The following SAG variants were observed in gnomAD, a reference collection of about 807,000 sequenced individuals.
SAG encodes S-antigen visual arrestin.
SAG carries 45 observed loss-of-function variants against 55.0 expected under a neutral mutation model. The ratio of observed to expected loss-of-function variants is 0.82; its 90% confidence interval spans 0.64 to 1.05. The LOEUF is 1.05. Ranked by LOEUF, SAG falls within the 50% of genes least tolerant of loss-of-function variation. The pLI, the probability that SAG is intolerant of heterozygous loss-of-function variation, is 0.00. For missense variants in SAG, 455 were observed against 512.1 expected, an observed-to-expected ratio of 0.89 and a Z score of 1.08; for synonymous variants, 189 against 197.4, an observed-to-expected ratio of 0.96 and a Z score of 0.36.
intron 11 of SAG, among the ~76,000 whole-genome samples, chr2:233,336,092 C>T (rs1311521530): frequency 1.3e-5 from 2 of 152,130 alleles, no homozygotes; most frequent in Non-Finnish European, 2.9e-5. Context: ...CGTGAAGCTC[C>T]GGGAGAGAGA....
In SAG at chr2:233,319,910, C is replaced by T; in HGVS notation, c.182-720C>T. On this transcript the variant is annotated intron_variant, in intron 4 of 15. Transcript: ENST00000409110. The surrounding 1 kb of genome is among the most constrained non-coding windows in gnomAD (Gnocchi z 4.4). ...ATTCTCAACCAACAGCTACCACGCA[C>T]TTGGCGGGGCCGCCTCTCGTGCTTT... 3 of 985,656 alleles carry T rather than the reference C, an allele frequency of 3.0e-6. No individual in the cohort carries two copies. The highest frequency in any genetic ancestry group is 3.6e-6 in the Non-Finnish European group (3 of 829,946). 61.1% of individuals were successfully genotyped at this position (985,656 alleles called of 1,614,324 possible).
intron 14 of SAG, chr2:233,344,423 A>C (rs1701194098): frequency 6.6e-6 from 1 of 152,184 alleles, no homozygotes; most frequent in Non-Finnish European, 1.5e-5. Context: ...TGCCCGCCTC[A>C]GCCCTCCAAA....
chr2:233,327,709 A>ATTT, intron 7 of SAG: 1 of 144,822 alleles, frequency 6.9e-6, no homozygotes, highest in South Asian at 2.2e-4. Flanking sequence ...CGCCTGGCTA[A>ATTT]TTTTTTTTTT....
In SAG at chr2:233,327,116, A is replaced by G. The variant is rs753909449; in HGVS notation, c.436-5A>G. 8.1e-6 allele frequency: 13 copies of G among 1,613,150 alleles called. No individual in the cohort carries two copies. In the Admixed American group the frequency reaches 1.0e-4, roughly 12 times the overall value. ...CGCTGCCTGTCTGCTCTCTCTCCCCAACAGTCCTGTGGGGTTGACTTTGAG... is the reference window on the plus strand; with the variant it reads ...CGCTGCCTGTCTGCTCTCTCTCCCCGACAGTCCTGTGGGGTTGACTTTGAG... On this transcript the variant is annotated splice_region_variant and splice_polypyrimidine_tract_variant and intron_variant, in intron 6 of 15. Coordinates refer to ENST00000409110, the MANE Select transcript of SAG (RefSeq NM_000541.5).
intron 9 of SAG, 61 bp from the exon 10 acceptor site, chr2:233,331,579 G>T: frequency 9.2e-7 from 1 of 1,084,146 alleles, no homozygotes; most frequent in South Asian, 1.3e-5. Flanking sequence ...GGAGGCCGCA[G>T]GGAAAGTGCA....
rs370144064 is a variant in SAG at position 233,318,801 on chromosome 2, A to G, written c.181+6A>G. The G allele has an allele frequency of 1.7e-5, 28 of 1,613,196 alleles. No individual in the cohort carries two copies. The African/African-American group carries it at 3.3e-4, about 19-fold the overall frequency. On this transcript the variant is annotated splice_donor_region_variant and intron_variant, in intron 4 of 15. Transcript: ENST00000409110. Reference sequence around the variant, plus strand: ...TCTTGTGAAGGGAAAGAAAGGTGAGATGAAGCCCCTTGTCTCAGGCTGGTT... The same window carrying G: ...TCTTGTGAAGGGAAAGAAAGGTGAGGTGAAGCCCCTTGTCTCAGGCTGGTT...
intron 13 of SAG, among the ~76,000 whole-genome samples, chr2:233,341,072 C>T (rs372729416): frequency 1.5e-4 from 23 of 152,158 alleles, no homozygotes; most frequent in African/African-American, 5.3e-4. Context: ...CCTTGGCCTC[C>T]CAAAGTGCTG....
rs751226817 is a variant in SAG at position 233,335,142 on chromosome 2, C to A, written c.944+43C>A. 10 of 1,587,704 alleles carry A rather than the reference C, an allele frequency of 6.3e-6. No individual in the cohort carries two copies. In the South Asian group the frequency reaches 9.0e-5, roughly 14 times the overall value. ...AGGGAATAAGCCCTGGCAGGGCGGGCTGGTGCTGGTCTGCTTCCCTTCACA... is the reference window on the plus strand; with the variant it reads ...AGGGAATAAGCCCTGGCAGGGCGGGATGGTGCTGGTCTGCTTCCCTTCACA... On this transcript the variant is annotated intron_variant, in intron 11 of 15. Coordinates refer to ENST00000409110, the MANE Select transcript of SAG (RefSeq NM_000541.5).
chr2:233,318,856 G>A (rs1166501129), intron 4 of SAG, 61 bp downstream of exon 4: 2 of 1,449,580 alleles, frequency 1.4e-6, no homozygotes, highest in Admixed American at 1.7e-5. Flanking sequence ...TCTCTGGGCG[G>A]CTCTGGGAAG....
chr2:233,323,659 G>T (rs1364689837), intron 6 of SAG, among the ~76,000 whole-genome samples: 1 of 152,116 alleles, frequency 6.6e-6, no homozygotes, highest in South Asian at 2.1e-4. Flanking sequence ...CACCGCGCTC[G>T]GCCCATTAGA....
chr2:233,310,157 C>G (rs1043602743), intron 2 of SAG, among the ~76,000 whole-genome samples: 2 of 152,210 alleles, frequency 1.3e-5, no homozygotes, highest in Non-Finnish European at 2.9e-5. Context: ...GAGGGTCCAC[C>G]GTCCAGCCTC....
chr2:233,320,516 C>T (rs191345503), intron 4 of SAG, 114 bp from the exon 5 acceptor site: 6 of 755,604 alleles, frequency 7.9e-6, no homozygotes, highest in African/African-American at 7.2e-5. Context: ...AATCCCAGCC[C>T]CTATCCCCTC....
At position 233,319,993 on chromosome 2, in the gene SAG, A is replaced by G; in HGVS notation, c.182-637A>G. ...TAGAAGGTGTAGTGAACTTCATACA[A>G]TTCTTCTGGTCTACTGGGCGCACAC... On this transcript the variant is annotated intron_variant, in intron 4 of 15. Coordinates refer to ENST00000409110, the MANE Select transcript of SAG (RefSeq NM_000541.5). The surrounding 1 kb of genome is among the most constrained non-coding windows in gnomAD (Gnocchi z 4.4). 1 of 985,260 alleles carries G rather than the reference A, an allele frequency of 1.0e-6. No homozygotes were observed. Among genetic ancestry groups the G allele is most frequent in the Non-Finnish European group, 1.2e-6 (1 of 829,794 alleles). 61.0% of individuals were successfully genotyped at this position (985,260 alleles called of 1,614,324 possible).
rs369680053 is a variant in SAG, at chr2:233,340,155, C to T, written c.1023-300C>T. Among the ~76,000 whole-genome samples, 8 of 152,098 alleles carry T rather than the reference C, an allele frequency of 5.3e-5. No individual in the cohort carries two copies. In the East Asian group the frequency reaches 1.4e-3, roughly 26 times the overall value. ...TATTTTTAGTAGAGATGGGGTTTTACCACGTTGGTCAGGCTGGTCTGGAAC... is the reference window on the plus strand; with the variant it reads ...TATTTTTAGTAGAGATGGGGTTTTATCACGTTGGTCAGGCTGGTCTGGAAC... On this transcript the variant is annotated intron_variant, in intron 12 of 15. Coordinates refer to ENST00000409110, the MANE Select transcript of SAG (RefSeq NM_000541.5). This position sits in a 1 kb window ranked among gnomAD's most constrained non-coding sequence, Gnocchi z 4.2.
At chr2:233,341,566 C>T (rs1329665958) in intron 13 of SAG, among the ~76,000 whole-genome samples, 5 of 152,196 alleles carry the variant, frequency 3.3e-5, no homozygotes, top group African/African-American at 1.2e-4. Flanking sequence ...ACTAATAACA[C>T]TACGCTAAGT....
chr2:233,309,321 C>G, intron 2 of SAG, 57 bp downstream of exon 2: 2 of 1,468,710 alleles, frequency 1.4e-6, no homozygotes, highest in South Asian at 2.4e-5. Context: ...AAAAATGGAG[C>G]TTTTTCAAGT....
chr2:233,323,708 G>A (rs556150465), intron 6 of SAG, among the ~76,000 whole-genome samples: 17 of 152,094 alleles, frequency 1.1e-4, no homozygotes, highest in Non-Finnish European at 1.6e-4. Context: ...AATTTCAAAC[G>A]TACCCAAAAG....
Position 233,328,611 on chromosome 2 carries a change from G to C in SAG, c.646G>C (p.Glu216Gln). The C allele has an allele frequency of 1.2e-6, 2 of 1,609,896 alleles. No homozygotes were observed. The highest frequency in any genetic ancestry group is 1.1e-5 in the South Asian group (1 of 90,726). ...PLHLAVSLNK[E>Q]IYFHGEPIPV... ...GCACCTTGCGGTCTCTCTCAACAAA[G>C]AGGTAACCACCTACCATCGCTACTA... The change falls in exon 8 of 16, where the codon GAG (glutamate) becomes CAG (glutamine). Residue 216 changes from glutamate to glutamine, a missense_variant and splice_region_variant. Transcript: ENST00000409110.
At chr2:233,310,207 A>T (rs1042011695) in intron 2 of SAG, among the ~76,000 whole-genome samples, 4 of 152,202 alleles carry the variant, frequency 2.6e-5, no homozygotes, top group Non-Finnish European at 5.9e-5. Flanking sequence ...TGGGCCAAAA[A>T]TCTAGCTCAG....
Sources: gnomAD v4.1 joint callset for allele counts (sites outside exome capture counted in the v4.1 genomes callset) on GRCh38, gnomAD v4.1.1 for gene constraint, Gnocchi (gnomAD v3.1) non-coding constraint, MANE v1.5 for transcripts, NCBI Gene and HGNC (gene_info 2026-07-23, HGNC 2026-07-21) for gene names.